Variants in RPS6KA3 observed in about 807,000 individuals in gnomAD.
The protein encoded by RPS6KA3 is ribosomal protein S6 kinase alpha-3.
In RPS6KA3, 4 loss-of-function variants were observed where a neutral mutation model predicts 67.2. That is an observed-to-expected ratio of 0.06 (90% CI 0.03 to 0.14). The LOEUF is 0.14. Among genes scored for constraint, RPS6KA3 ranks in the 10% least tolerant of loss-of-function variants. The pLI is 1.00. For synonymous variants in RPS6KA3, 182 were observed against 183.7 expected, an observed-to-expected ratio of 0.99 and a Z score of 0.07; for missense variants, 204 against 559.0, an observed-to-expected ratio of 0.36 and a Z score of 6.40.
chrX:20,226,036 G>T (rs2013135466), intron 2 of RPS6KA3, among the ~76,000 whole-genome samples: 2 of 110,981 alleles, frequency 1.8e-5, no homozygotes, highest in Admixed American at 9.6e-5. Context: ...ACAAAAATTA[G>T]CTGAGTGTGG....
At chrX:20,192,076 A>G (rs2068145292) in intron 7 of RPS6KA3, among the ~76,000 whole-genome samples, 1 of 111,927 alleles carries the variant, frequency 8.9e-6, no homozygotes, top group Admixed American at 9.5e-5. Flanking sequence ...AATGACTTGT[A>G]TAATATATGA....
Position 20,266,875 on chromosome X carries a change from G to C in RPS6KA3, c.-243C>G, listed in dbSNP as rs1305188365. 3 of 488,336 alleles carry C rather than the reference G, an allele frequency of 6.1e-6. No individual in the cohort carries two copies. Among genetic ancestry groups the C allele is most frequent in the East Asian group, 1.9e-4 (1 of 5,316 alleles). 40.2% of individuals were successfully genotyped at this position (488,336 alleles called of 1,213,427 possible). On this transcript the variant is annotated 5_prime_UTR_variant, in exon 1 of 22. Coordinates refer to ENST00000379565, the MANE Select transcript of RPS6KA3 (RefSeq NM_004586.3). ...CGCCCGCGCGCTGAGCGAGAGCCTC[G>C]CGCCTCCGCTGGGCACCGGGTCTCG...
chrX:20,185,726 A>G (rs750578362), intron 10 of RPS6KA3, among the ~76,000 whole-genome samples: 2 of 111,603 alleles, frequency 1.8e-5, no homozygotes, highest in South Asian at 7.5e-4. Context: ...TTCCAGGACA[A>G]TGTGGACAGA....
At chrX:20,162,291 G>A (rs966341449) in intron 19 of RPS6KA3, among the ~76,000 whole-genome samples, 13 of 104,207 alleles carry the variant, frequency 1.2e-4, no homozygotes, top group Admixed American at 2.1e-4. Flanking sequence ...AGCCGAGATC[G>A]TGCTACTGCA....
intron 13 of RPS6KA3, among the ~76,000 whole-genome samples, chrX:20,175,801 G>A (rs2067685098): frequency 9.0e-6 from 1 of 111,716 alleles, no homozygotes; most frequent in Admixed American, 9.5e-5. Flanking sequence ...TGGAACAGGG[G>A]AGATACAAGG....
Position 20,223,864 on chromosome X carries a change from T to C in RPS6KA3, c.126+10894A>G, listed in dbSNP as rs757721054. Among the ~76,000 whole-genome samples, 4 of 112,547 alleles carry C rather than the reference T, an allele frequency of 3.6e-5. No individual in the cohort carries two copies. In the East Asian group the frequency reaches 1.1e-3, roughly 31 times the overall value. On this transcript the variant is annotated intron_variant, in intron 2 of 21. Transcript: ENST00000379565. ...TGCTTTTGTGTGTTTTCCCTTGTTT[T>C]CTAATTCGCTGATTTTTGAAATTAT...
chrX:20,230,900 T>C (rs2069245807), intron 2 of RPS6KA3, among the ~76,000 whole-genome samples: 1 of 111,392 alleles, frequency 9.0e-6, no homozygotes, highest in African/African-American at 3.3e-5. Context: ...ACAAAGACTA[T>C]ACAACTATAA....
In RPS6KA3 at chrX:20,175,184, C is replaced by T. The variant is rs1289181052; in HGVS notation, c.1207G>A (p.Gly403Ser). The change falls in exon 14 of 22, where the codon GGT (glycine) becomes AGT (serine). Residue 403 changes from glycine (G) to serine (S), a missense_variant. By Grantham distance (56) the Gly-to-Ser change is moderately conservative. Around this residue, in one of 4 missense-constraint regions of RPS6KA3, gnomAD observed 24 missense variants for 25.1 expected, o/e 0.96. Transcript: ENST00000379565. ...DDESQAMQTVGVHSIVQQLHR... is the reference protein window; with the variant it reads ...DDESQAMQTVSVHSIVQQLHR... ...CTCACCTGAACAATTGAATGTACACCAACTGTCTGCATAGCTTGGCTTTCA... is the reference window on the plus strand; with the variant it reads ...CTCACCTGAACAATTGAATGTACACTAACTGTCTGCATAGCTTGGCTTTCA... 1 of 1,206,916 alleles carries T rather than the reference C, an allele frequency of 8.3e-7. No individual in the cohort carries two copies. The highest frequency in any genetic ancestry group is 2.2e-5 in the Admixed American group (1 of 46,042).
intron 7 of RPS6KA3, among the ~76,000 whole-genome samples, chrX:20,191,622 G>A (rs764863746): frequency 9.7e-6 from 1 of 103,511 alleles, no homozygotes; most frequent in South Asian, 3.9e-4. Context: ...TAATGACCAG[G>A]GATGATGAGC....
At chrX:20,231,481 T>C (rs770256091) in intron 2 of RPS6KA3, among the ~76,000 whole-genome samples, 1 of 111,611 alleles carries the variant, frequency 9.0e-6, no homozygotes, top group East Asian at 2.8e-4. Flanking sequence ...TAAGACTACA[T>C]ATAAGACTTT....
In RPS6KA3 at chrX:20,256,355, T is replaced by C. The variant is rs12847942; in HGVS notation, c.69+10209A>G. 5.6e-3 allele frequency among the ~76,000 whole-genome samples: 621 copies of C among 110,348 alleles called. 3 individuals are homozygous for C. Among genetic ancestry groups the C allele is most frequent in the Non-Finnish European group, 9.8e-3 (516 of 52,852 alleles). On this transcript the variant is annotated intron_variant, in intron 1 of 21. Coordinates refer to ENST00000379565, the MANE Select transcript of RPS6KA3 (RefSeq NM_004586.3). Reference sequence around the variant, plus strand: ...GAGCCAAATTCTGTTTTCTGGCACTTTGAGGGAACATCAAGTAGATTTTTC... The same window carrying C: ...GAGCCAAATTCTGTTTTCTGGCACTCTGAGGGAACATCAAGTAGATTTTTC...
In RPS6KA3 at chrX:20,239,960, A is replaced by T. The variant is rs1158215215; in HGVS notation, c.70-5146T>A. On this transcript the variant is annotated intron_variant, in intron 1 of 21. Coordinates refer to ENST00000379565, the MANE Select transcript of RPS6KA3 (RefSeq NM_004586.3). ...TTGTAATGGCATGATACAACAATGT[A>T]CTTTTCCAGGCTGCTGTTTGATACC... Among the ~76,000 whole-genome samples, 33 of 111,574 alleles carry T rather than the reference A, an allele frequency of 3.0e-4. 2 individuals are homozygous for T. Among genetic ancestry groups the T allele is most frequent in the Non-Finnish European group, 3.8e-5 (2 of 52,815 alleles).
At chrX:20,206,475 C>T (rs2068575259) in intron 3 of RPS6KA3, among the ~76,000 whole-genome samples, 1 of 111,034 alleles carries the variant, frequency 9.0e-6, no homozygotes, top group African/African-American at 3.3e-5. Context: ...TCATTTAATT[C>T]TCACTACTCT....
chrX:20,191,026 C>T (rs1355084108), intron 7 of RPS6KA3, among the ~76,000 whole-genome samples: 1 of 110,756 alleles, frequency 9.0e-6, no homozygotes, highest in African/African-American at 3.3e-5. Context: ...CCCTAGCCCC[C>T]TAACTCCTGA....
At chrX:20,170,178 T>C (rs1445817150) in intron 15 of RPS6KA3, among the ~76,000 whole-genome samples, 2 of 112,277 alleles carry the variant, frequency 1.8e-5, no homozygotes, top group Non-Finnish European at 3.8e-5. Context: ...AAAATATTTT[T>C]CTTAATGTTT....
At chrX:20,177,219 C>T in intron 10 of RPS6KA3, 135 bp from the exon 11 acceptor site, 1 of 491,532 alleles carries the variant, frequency 2.0e-6, no homozygotes, top group Non-Finnish European at 3.6e-6. Context: ...GAGAGATCCC[C>T]TGTGCCCTTT....
intron 9 of RPS6KA3, among the ~76,000 whole-genome samples, chrX:20,186,654 G>A (rs779046755): frequency 1.3e-4 from 14 of 106,869 alleles, no homozygotes; most frequent in African/African-American, 4.8e-4. Context: ...GCCCAGTGGT[G>A]CAATCTCAGC....
intron 4 of RPS6KA3, among the ~76,000 whole-genome samples, chrX:20,201,385 C>T (rs1002515116): frequency 9.0e-6 from 1 of 111,073 alleles, no homozygotes; most frequent in South Asian, 3.8e-4. Flanking sequence ...GCCATCCTCC[C>T]GCCTCAGCCT....
At chrX:20,188,358 G>A in intron 8 of RPS6KA3, 139 bp downstream of exon 8, 8 of 428,785 alleles carry the variant, frequency 1.9e-5, no homozygotes, top group Non-Finnish European at 3.3e-5. Context: ...TTACAGGGGT[G>A]AGCCACTACG....
Sources: allele counts gnomAD v4.1 joint callset (sites outside exome capture counted in the v4.1 genomes callset), GRCh38; gene constraint gnomAD v4.1.1; regional missense constraint gnomAD v4.1.1; transcripts MANE v1.5; gene names NCBI Gene and HGNC (gene_info 2026-07-23, HGNC 2026-07-21).